The following COMMD10 variants were observed in gnomAD, a reference collection of about 807,000 sequenced individuals.
The protein encoded by COMMD10 is COMM domain containing 10.
A neutral mutation model predicts 28.9 loss-of-function variants in COMMD10; 33 were observed. That is an observed-to-expected ratio of 1.14 (90% confidence interval 0.87 to 1.53). COMMD10 has a LOEUF of 1.53. Among genes scored for constraint, COMMD10 ranks in the 40% most tolerant of loss-of-function variants. The probability of loss-of-function intolerance (pLI) is 0.00; values close to 1 mark genes in which losing one functional copy is unlikely to be tolerated. For missense variants in COMMD10, 310 were observed against 233.4 expected (o/e 1.33, Z -2.14); for synonymous variants, 110 against 81.7 (o/e 1.35, Z -1.87).
At chr5:116,232,032 C>T (rs1749542188) in intron 5 of COMMD10, among the ~76,000 whole-genome samples, 3 of 152,110 alleles carry the variant, frequency 2.0e-5, no homozygotes, top group Admixed American at 2.0e-4. Flanking sequence ...GCTGAAGAGC[C>T]ACTTTACACT....
intron 4 of COMMD10, among the ~76,000 whole-genome samples, chr5:116,130,442 C>T (rs113569905): frequency 0.026 from 4,011 of 151,920 alleles, 61 homozygotes; most frequent in Non-Finnish European, 0.039. Flanking sequence ...TTTATTGACC[C>T]TGCTTCTCCG....
chr5:116,188,561 T>C (rs1748223081), intron 5 of COMMD10: 2 of 152,028 alleles, frequency 1.3e-5, no homozygotes, highest in Admixed American at 1.3e-4. Context: ...ACATGGTTTT[T>C]CTCTTTCTTT....
intron 5 of COMMD10, among the ~76,000 whole-genome samples, chr5:116,172,424 C>G (rs1181791541): frequency 1.3e-5 from 2 of 152,122 alleles, no homozygotes; most frequent in African/African-American, 4.8e-5. Flanking sequence ...CTCTTTGTCT[C>G]TAAATGTGCT....
chr5:116,242,818 G>A (rs1749846316), intron 5 of COMMD10, among the ~76,000 whole-genome samples: 2 of 151,956 alleles, frequency 1.3e-5, no homozygotes, highest in African/African-American at 4.8e-5. Flanking sequence ...AGAATGAAGG[G>A]GTAAAAGTGG....
chr5:116,110,355 G>C (rs1751003975), intron 4 of COMMD10, among the ~76,000 whole-genome samples: 2 of 152,112 alleles, frequency 1.3e-5, no homozygotes, highest in Admixed American at 6.5e-5. Flanking sequence ...TCCTTGTCTG[G>C]TTTTGGTATT....
At chr5:116,236,261 T>G (rs1749657426) in intron 5 of COMMD10, among the ~76,000 whole-genome samples, 1 of 152,044 alleles carries the variant, frequency 6.6e-6, no homozygotes, top group South Asian at 2.1e-4. Context: ...CCCAGCACTT[T>G]GGGAAGCTGA....
intron 4 of COMMD10, among the ~76,000 whole-genome samples, chr5:116,121,306 T>C (rs1307807039): frequency 6.6e-6 from 1 of 152,232 alleles, no homozygotes; most frequent in Non-Finnish European, 1.5e-5. Flanking sequence ...GCAAAGGACA[T>C]GAACTAATCC....
At chr5:116,236,217 G>T (rs12153717) in intron 5 of COMMD10, among the ~76,000 whole-genome samples, 11,099 of 152,064 alleles carry the variant, frequency 0.073, 477 homozygotes, top group Admixed American at 0.13. Flanking sequence ...AAAAAGAAAT[G>T]ATTCGGCTGG....
intron 5 of COMMD10, among the ~76,000 whole-genome samples, chr5:116,230,325 A>G (rs1749498080): frequency 6.6e-6 from 1 of 152,024 alleles, no homozygotes; most frequent in South Asian, 2.1e-4. Flanking sequence ...ACCTTCTCCT[A>G]TTCTTTGCTC....
chr5:116,282,809 T>G (rs767288548), intron 5 of COMMD10, among the ~76,000 whole-genome samples: 19 of 152,008 alleles, frequency 1.2e-4, no homozygotes, highest in Non-Finnish European at 1.9e-4. Context: ...CATTTTACCT[T>G]AATTACCTCC....
intron 5 of COMMD10, among the ~76,000 whole-genome samples, chr5:116,263,965 AC>A (rs1484291892): frequency 6.6e-6 from 1 of 151,840 alleles, no homozygotes; most frequent in Non-Finnish European, 1.5e-5. Context: ...CAAATGTTTT[AC>A]GGAGTTTGAC....
intron 4 of COMMD10, among the ~76,000 whole-genome samples, chr5:116,118,205 G>T (rs539485488): frequency 6.6e-5 from 10 of 152,268 alleles, no homozygotes; most frequent in African/African-American, 2.4e-4. Context: ...ATCTTTCCCT[G>T]ATAGTGCCAC....
chr5:116,265,775 T>A (rs930807272), intron 5 of COMMD10, among the ~76,000 whole-genome samples: 1 of 151,750 alleles, frequency 6.6e-6, no homozygotes, highest in Non-Finnish European at 1.5e-5. Context: ...ATTTCATAAT[T>A]TGCTCAAGGT....
chr5:116,156,793 A>C (rs760462133), intron 5 of COMMD10, among the ~76,000 whole-genome samples: 1 of 151,968 alleles, frequency 6.6e-6, no homozygotes, highest in Admixed American at 6.6e-5. Context: ...GTCCCAGACT[A>C]TATTGTATTT....
At chr5:116,134,519 T>TA (rs1248580511) in intron 5 of COMMD10, among the ~76,000 whole-genome samples, 2 of 152,260 alleles carry the variant, frequency 1.3e-5, no homozygotes, top group African/African-American at 2.4e-5. Flanking sequence ...GTTGTCCAGC[T>TA]AGAGCCTGGA....
chr5:116,177,928 T>G (rs1272672437), intron 5 of COMMD10, among the ~76,000 whole-genome samples: 3 of 152,194 alleles, frequency 2.0e-5, no homozygotes, highest in Non-Finnish European at 2.9e-5. Context: ...GTTTATTATC[T>G]GAACAAATAA....
intron 5 of COMMD10, among the ~76,000 whole-genome samples, chr5:116,149,669 T>C (rs1752453292): frequency 6.6e-6 from 1 of 151,226 alleles, no homozygotes; most frequent in African/African-American, 2.4e-5. Flanking sequence ...GAGAAGTGTC[T>C]GTTCATGTCC....
chr5:116,165,575 C>A (rs1753061798), intron 5 of COMMD10, among the ~76,000 whole-genome samples: 1 of 151,994 alleles, frequency 6.6e-6, no homozygotes, highest in African/African-American at 2.4e-5. Flanking sequence ...CTTGTCTTCA[C>A]ATGATCTTTC....
At chr5:116,236,684 G>A (rs1198248568) in intron 5 of COMMD10, among the ~76,000 whole-genome samples, 1 of 151,910 alleles carries the variant, frequency 6.6e-6, no homozygotes, top group Non-Finnish European at 1.5e-5. Flanking sequence ...GGGGTTGGGG[G>A]TGGGAGATGA....
Sources: allele counts gnomAD v4.1 joint callset (sites outside exome capture counted in the v4.1 genomes callset), GRCh38; gene constraint gnomAD v4.1.1; transcripts MANE v1.5; gene names NCBI Gene and HGNC (gene_info 2026-07-23, HGNC 2026-07-21).